TMEM132C: variants seen among roughly 807,000 people sequenced by gnomAD.
The protein encoded by TMEM132C is protein phosphatase 1, regulatory subunit 152.
Under a neutral mutation model 61.4 loss-of-function variants are expected in TMEM132C, and 29 were observed. That is an observed-to-expected ratio of 0.47 (90% CI 0.35 to 0.64). The LOEUF (loss-of-function observed/expected upper bound fraction) is 0.64. Among genes scored for constraint, TMEM132C ranks in the 30% least tolerant of loss-of-function variants. TMEM132C has a pLI of 0.00. For missense variants in TMEM132C, 1,408 were observed against 1,476.9 expected, an observed-to-expected ratio of 0.95 and a Z score of 0.76; for synonymous variants, 656 against 633.1, an observed-to-expected ratio of 1.04 and a Z score of -0.54.
chr12:128,319,331 C>T (rs1465839246), intron 1 of TMEM132C, among the ~76,000 whole-genome samples: 1 of 151,540 alleles, frequency 6.6e-6, no homozygotes, highest in Non-Finnish European at 1.5e-5. Context: ...TCTCTGACTC[C>T]CTCCACTCAA....
intron 1 of TMEM132C, among the ~76,000 whole-genome samples, chr12:128,409,697 G>T (rs1343726679): frequency 6.6e-6 from 1 of 152,158 alleles, no homozygotes; most frequent in East Asian, 1.9e-4. Flanking sequence ...CAGATGCAGA[G>T]CCCAGAGGCA....
intron 1 of TMEM132C, among the ~76,000 whole-genome samples, chr12:128,394,071 TG>T: frequency 6.6e-6 from 1 of 152,264 alleles, no homozygotes; most frequent in East Asian, 1.9e-4. Flanking sequence ...TCCATGAGGC[TG>T]GGGAGGCCTC....
At chr12:128,562,115 G>A (rs892745489) in intron 3 of TMEM132C, among the ~76,000 whole-genome samples, 2 of 152,144 alleles carry the variant, frequency 1.3e-5, no homozygotes, top group African/African-American at 4.8e-5. Flanking sequence ...CGCAAAACTG[G>A]AAACCGCATC....
chr12:128,471,290 G>A (rs75727476), intron 2 of TMEM132C, among the ~76,000 whole-genome samples: 2,630 of 152,176 alleles, frequency 0.017, 81 homozygotes, highest in African/African-American at 0.061. Context: ...TTAAATTCTC[G>A]CCATTGTTTT....
At chr12:128,429,530 G>A (rs114438046) in intron 2 of TMEM132C, among the ~76,000 whole-genome samples, 2,376 of 152,244 alleles carry the variant, frequency 0.016, 49 homozygotes, top group African/African-American at 0.051. Context: ...TCCTGACAAT[G>A]CAAGGAGCTC....
At position 128,476,275 on chromosome 12, in the gene TMEM132C, C is replaced by T. The variant is rs116236880; in HGVS notation, c.974+60655C>T. Among the ~76,000 whole-genome samples the T allele has an allele frequency of 4.1e-3, 625 of 152,260 alleles. 3 individuals are homozygous for T. The highest frequency in any genetic ancestry group is 0.014 in the African/African-American group (585 of 41,548). ...AGGGATGCAGCAAGCTCCTGGGAGT[C>T]GGAATCCTTCCTGGCAACCTGAGGA... On this transcript the variant is annotated intron_variant, in intron 2 of 8. Transcript: ENST00000435159.
intron 8 of TMEM132C, among the ~76,000 whole-genome samples, chr12:128,701,850 A>G (rs1004675316): frequency 6.6e-6 from 1 of 150,422 alleles, no homozygotes; most frequent in Non-Finnish European, 1.5e-5. Context: ...TAGAAATTCT[A>G]CGTGGCTCTT....
intron 1 of TMEM132C, among the ~76,000 whole-genome samples, chr12:128,287,862 TGAAGAGTACAGGCCAGGTTTTTTA>T (rs1340550226): frequency 2.0e-5 from 3 of 152,214 alleles, no homozygotes; most frequent in African/African-American, 4.8e-5. Context: ...CTGACGTGTT[TGAAGAGTACAGGCCAGGTTTTTTA>T]GAAGAATGTC....
At chr12:128,657,317 G>T (rs980308389) in intron 4 of TMEM132C, among the ~76,000 whole-genome samples, 1 of 152,196 alleles carries the variant, frequency 6.6e-6, no homozygotes, top group African/African-American at 2.4e-5. Flanking sequence ...GAGGGAAAAC[G>T]TAAGTTAATA....
intron 1 of TMEM132C, among the ~76,000 whole-genome samples, chr12:128,314,139 G>T (rs1186203269): frequency 6.6e-6 from 1 of 152,162 alleles, no homozygotes; most frequent in Non-Finnish European, 1.5e-5. Flanking sequence ...GGAGATCAAA[G>T]GACTTTTATC....
At chr12:128,552,154 G>C (rs559227129) in intron 3 of TMEM132C, among the ~76,000 whole-genome samples, 1 of 152,302 alleles carries the variant, frequency 6.6e-6, no homozygotes, top group Middle Eastern at 3.4e-3. Flanking sequence ...GTGCTGTTAG[G>C]TGCTGAACAC....
intron 8 of TMEM132C, 70 bp downstream of exon 8, chr12:128,697,485 AGGGTGG>A (rs1954774846): frequency 7.0e-7 from 1 of 1,420,302 alleles, no homozygotes; most frequent in Admixed American, 2.6e-5. Context: ...GCAAAGGGGC[AGGGTGG>A]AGTGAGAAAT....
intron 1 of TMEM132C, among the ~76,000 whole-genome samples, chr12:128,295,994 A>G (rs1281040093): frequency 2.6e-5 from 4 of 152,202 alleles, no homozygotes; most frequent in Non-Finnish European, 4.4e-5. Flanking sequence ...GAATGAGTGA[A>G]CATTGGTTTT....
intron 4 of TMEM132C, among the ~76,000 whole-genome samples, chr12:128,622,343 C>CAAAA (rs71069584): frequency 0.03 from 487 of 16,002 alleles, 50 homozygotes; most frequent in Admixed American, 0.046. Flanking sequence ...GACTTTGTCT[C>CAAAA]AAAAAAAAAA....
At chr12:128,349,918 T>TACAC (rs56323654) in intron 1 of TMEM132C, among the ~76,000 whole-genome samples, 110 of 149,684 alleles carry the variant, frequency 7.3e-4, no homozygotes, top group African/African-American at 2.4e-3. Context: ...ACACGTACCG[T>TACAC]ACACACACAC....
chr12:128,313,496 G>A (rs548214986), intron 1 of TMEM132C, among the ~76,000 whole-genome samples: 1 of 152,312 alleles, frequency 6.6e-6, no homozygotes, highest in African/African-American at 2.4e-5. Flanking sequence ...TCCAGTTATC[G>A]GGACTGGCTT....
intron 1 of TMEM132C, among the ~76,000 whole-genome samples, chr12:128,354,225 A>G (rs1318647454): frequency 2.0e-5 from 3 of 151,994 alleles, no homozygotes; most frequent in Non-Finnish European, 2.9e-5. Context: ...GAGTCCCCCA[A>G]GGAGAGTGAC....
In TMEM132C at chr12:128,415,193, G is replaced by A; in HGVS notation, c.547G>A (p.Gly183Ser). The stretch of plus-strand genomic sequence containing the variant: ...TTTCCGAGAAACCAGAGAGGTGCGG[G>A]GCAGCTGCCGGCTGAAGGGGGACCT... ...FAFRETREVR[G>S]SCRLKGDLGL... Residue 183 changes from glycine (G) to serine (S), a missense_variant, in exon 2 of 9, where the codon GGC becomes AGC. Coordinates refer to ENST00000435159, the MANE Select transcript of TMEM132C (RefSeq NM_001136103.3). This position sits in a 1 kb window ranked among gnomAD's most constrained non-coding sequence, Gnocchi z 5.8. 6.2e-7 allele frequency: 1 copy of A among 1,610,740 alleles called. No individual in the cohort carries two copies. Among genetic ancestry groups the A allele is most frequent in the African/African-American group, 1.3e-5 (1 of 74,868 alleles).
intron 2 of TMEM132C, among the ~76,000 whole-genome samples, chr12:128,426,959 A>T (rs930158649): frequency 6.6e-6 from 1 of 152,146 alleles, no homozygotes; most frequent in Non-Finnish European, 1.5e-5. Context: ...TTAACACATG[A>T]ATTAGTGGAC....
Sources: allele counts gnomAD v4.1 joint callset (sites outside exome capture counted in the v4.1 genomes callset), GRCh38; gene constraint gnomAD v4.1.1; non-coding constraint Gnocchi (gnomAD v3.1); transcripts MANE v1.5; gene names NCBI Gene and HGNC (gene_info 2026-07-23, HGNC 2026-07-21).